FGF13: variants seen among roughly 807,000 people sequenced by gnomAD.
FGF13 encodes fibroblast growth factor 13.
FGF13 carries 2 observed loss-of-function variants against 19.5 expected under a neutral mutation model. That is an observed-to-expected ratio of 0.10 (90% CI 0.04 to 0.32). The LOEUF (loss-of-function observed/expected upper bound fraction) is 0.32, where lower values mean the gene tolerates loss of function less well. FGF13 is among the 10% of genes least tolerant of loss of function. FGF13 has a pLI of 1.00. For missense variants in FGF13, 113 were observed against 192.7 expected (o/e 0.59, Z 2.45); for synonymous variants, 72 against 76.9 (o/e 0.94, Z 0.33).
At chrX:139,144,975 T>G (rs1727080804) in intron 1 of FGF13, among the ~76,000 whole-genome samples, 1 of 112,230 alleles carries the variant, frequency 8.9e-6, no homozygotes, top group African/African-American at 3.2e-5. Context: ...AGTAACATAT[T>G]TTTAAGAAAA....
intron 1 of FGF13, among the ~76,000 whole-genome samples, chrX:139,017,222 C>G (rs192246348): frequency 1.1e-3 from 123 of 109,115 alleles, no homozygotes; most frequent in African/African-American, 3.9e-3. Context: ...ATGTCCCCAA[C>G]TCTGTTATAT....
At chrX:138,797,293 C>A (rs181691781) in intron 3 of FGF13, among the ~76,000 whole-genome samples, 1 of 111,482 alleles carries the variant, frequency 9.0e-6, no homozygotes, top group East Asian at 2.8e-4. Flanking sequence ...GTTTTCCCAA[C>A]GCCATTTATT....
chrX:139,013,207 A>T (rs1464649857), intron 1 of FGF13, among the ~76,000 whole-genome samples: 2 of 109,685 alleles, frequency 1.8e-5, no homozygotes, highest in Non-Finnish European at 3.8e-5. Flanking sequence ...TGTTGGCTGG[A>T]ATGTGGCAAA....
At chrX:139,124,090 C>A (rs960200618) in intron 1 of FGF13, among the ~76,000 whole-genome samples, 6 of 112,462 alleles carry the variant, frequency 5.3e-5, no homozygotes, top group Non-Finnish European at 3.8e-5. Context: ...CTCCCACAGA[C>A]CCTGCTGCTT....
chrX:138,825,930 A>T (rs2091031740), intron 3 of FGF13, among the ~76,000 whole-genome samples: 2 of 111,050 alleles, frequency 1.8e-5, no homozygotes, highest in African/African-American at 3.3e-5. Flanking sequence ...ATGGCTTCTT[A>T]AATAGGGAGT....
chrX:139,062,296 C>G (rs1683375780), intron 1 of FGF13, among the ~76,000 whole-genome samples: 1 of 111,304 alleles, frequency 9.0e-6, no homozygotes, highest in Non-Finnish European at 1.9e-5. Flanking sequence ...CCAGTTTTCC[C>G]AACAACATTT....
Position 139,107,294 on chromosome X carries a change from C to T in FGF13, c.-113+96122G>A, listed in dbSNP as rs564635207. ...ATTGTGACTTGCTCCTTTAAGATGGCTTTCCCTGAAACAAAAGCAACTGGT... is the reference window on the plus strand; with the variant it reads ...ATTGTGACTTGCTCCTTTAAGATGGTTTTCCCTGAAACAAAAGCAACTGGT... On this transcript the variant is annotated intron_variant, in intron 1 of 2. Transcript: ENST00000421460. Among the ~76,000 whole-genome samples the T allele has an allele frequency of 1.3e-4, 14 of 111,892 alleles. No individual in the cohort carries two copies. In the South Asian group the frequency reaches 4.9e-3, roughly 39 times the overall value.
intron 1 of FGF13, among the ~76,000 whole-genome samples, chrX:139,171,198 C>T (rs2084129613): frequency 9.0e-6 from 1 of 110,612 alleles, no homozygotes; most frequent in African/African-American, 3.3e-5. Context: ...TCTTAGTGTC[C>T]CCAGAGCTGA....
intron 1 of FGF13, among the ~76,000 whole-genome samples, chrX:139,104,172 CATT>C (rs2124459799): frequency 9.0e-6 from 1 of 111,193 alleles, no homozygotes; most frequent in East Asian, 2.9e-4. Context: ...TAATGATCAT[CATT>C]ATCATTATTC....
chrX:139,011,361 CAAAAAAAAAAAA>C (rs3047329), intron 1 of FGF13, among the ~76,000 whole-genome samples: 1 of 82,957 alleles, frequency 1.2e-5, no homozygotes, highest in African/African-American at 4.5e-5. Context: ...AACAAACAAA[CAAAAAAAAAAAA>C]AAAAAAAGAA....
intron 1 of FGF13, among the ~76,000 whole-genome samples, chrX:139,026,352 A>G (rs182871981): frequency 8.9e-6 from 1 of 111,909 alleles, no homozygotes; most frequent in African/African-American, 3.2e-5. Context: ...CTAAAATATT[A>G]TGATTATTAA....
At chrX:139,005,690 AAC>A (rs1435931553) in intron 1 of FGF13, among the ~76,000 whole-genome samples, 5 of 109,808 alleles carry the variant, frequency 4.6e-5, no homozygotes, top group Non-Finnish European at 7.6e-5. Context: ...AATTCAAGAA[AAC>A]ACAGAGAAGG....
intron 1 of FGF13, among the ~76,000 whole-genome samples, chrX:139,105,468 T>G (rs1022578232): frequency 2.7e-5 from 3 of 111,937 alleles, no homozygotes; most frequent in Non-Finnish European, 5.6e-5. Flanking sequence ...GAATCTACCT[T>G]CATGCTCACG....
At chrX:139,082,737 A>G (rs1288599241) in intron 1 of FGF13, among the ~76,000 whole-genome samples, 1 of 111,933 alleles carries the variant, frequency 8.9e-6, no homozygotes, top group Admixed American at 9.4e-5. Context: ...GAACGAAAAA[A>G]TTTCCATTAT....
intron 1 of FGF13, among the ~76,000 whole-genome samples, chrX:138,732,876 T>C (rs1427790213): frequency 9.0e-6 from 1 of 111,119 alleles, no homozygotes; most frequent in Non-Finnish European, 1.9e-5. Context: ...TGGATGGTCT[T>C]CCTGTATCAG....
chrX:138,812,229 G>A (rs1246771233), intron 3 of FGF13, among the ~76,000 whole-genome samples: 2 of 111,409 alleles, frequency 1.8e-5, no homozygotes, highest in African/African-American at 6.5e-5. Flanking sequence ...ATCCATTTGC[G>A]GCATGCATAA....
chrX:139,035,574 ACTT>A (rs943150957), intron 1 of FGF13, among the ~76,000 whole-genome samples: 1 of 111,442 alleles, frequency 9.0e-6, no homozygotes, highest in African/African-American at 3.3e-5. Flanking sequence ...GTCTGAGAGA[ACTT>A]CTTTCCTTTC....
chrX:138,944,304 T>C (rs2091772222), intron 1 of FGF13, among the ~76,000 whole-genome samples: 1 of 111,038 alleles, frequency 9.0e-6, no homozygotes, highest in Admixed American at 9.6e-5. Context: ...ATCATGGGAA[T>C]CCATGAGCTA....
intron 1 of FGF13, among the ~76,000 whole-genome samples, chrX:139,141,102 T>TACACACACACACACACAC (rs748785543): frequency 6.8e-4 from 66 of 97,197 alleles, no homozygotes; most frequent in African/African-American, 2.3e-3. Flanking sequence ...GATAAGAGTG[T>TACACACACACACACACAC]ACACACACAC....
Sources: gnomAD v4.1 joint callset for allele counts (sites outside exome capture counted in the v4.1 genomes callset) on GRCh38, gnomAD v4.1.1 for gene constraint, MANE v1.5 for transcripts, NCBI Gene and HGNC (gene_info 2026-07-23, HGNC 2026-07-21) for gene names.